The following NRXN3 variants were observed in gnomAD, a reference collection of about 807,000 sequenced individuals.
The protein encoded by NRXN3 is neurexin 3.
In NRXN3, 32 loss-of-function variants were observed where a neutral mutation model predicts 137.6. The observed-to-expected ratio is 0.23, with a 90% CI of 0.18 to 0.31. The LOEUF is 0.31. Among genes scored for constraint, NRXN3 ranks in the 10% least tolerant of loss-of-function variants. The pLI, the probability that NRXN3 is intolerant of heterozygous loss-of-function variation, is 1.00. For missense variants in NRXN3, 1,574 were observed against 2,062.5 expected, an observed-to-expected ratio of 0.76 and a Z score of 4.59; for synonymous variants, 798 against 784.5, an observed-to-expected ratio of 1.02 and a Z score of -0.29.
At chr14:78,271,502 G>A (rs896829031) in intron 2 of NRXN3, among the ~76,000 whole-genome samples, 3 of 151,204 alleles carry the variant, frequency 2.0e-5, no homozygotes, top group African/African-American at 7.3e-5. Flanking sequence ...CAAAAGGGCT[G>A]TCTGCACTGA....
At chr14:79,500,753 T>G (rs1405193708) in intron 16 of NRXN3, among the ~76,000 whole-genome samples, 1 of 152,210 alleles carries the variant, frequency 6.6e-6, no homozygotes, top group East Asian at 1.9e-4. Context: ...GTCAATCAGA[T>G]GCAGTCAAAT....
intron 6 of NRXN3, among the ~76,000 whole-genome samples, chr14:78,655,400 A>G (rs1350035576): frequency 6.6e-6 from 1 of 152,208 alleles, no homozygotes; most frequent in African/African-American, 2.4e-5. Flanking sequence ...TGGAATCTCT[A>G]TATTTCTCAT....
Position 79,324,905 on chromosome 14 carries a change from A to G in NRXN3, c.3263-142316A>G, listed in dbSNP as rs542100189. Among the ~76,000 whole-genome samples, 37 of 152,196 alleles carry G rather than the reference A, an allele frequency of 2.4e-4. 1 individual carries two copies. The highest frequency in any genetic ancestry group is 6.2e-4 in the South Asian group (3 of 4,836). Reference sequence around the variant, plus strand: ...TATACATGTGTGTAATGAAAAAAGAAAACAGCCCTGAAGAATCCTCAAGAA... The same window carrying G: ...TATACATGTGTGTAATGAAAAAAGAGAACAGCCCTGAAGAATCCTCAAGAA... On this transcript the variant is annotated intron_variant, in intron 15 of 20. Transcript: ENST00000335750.
At chr14:79,368,234 A>G (rs1049435262) in intron 15 of NRXN3, among the ~76,000 whole-genome samples, 1 of 152,202 alleles carries the variant, frequency 6.6e-6, no homozygotes. Flanking sequence ...TCATGTGGCT[A>G]TGGAATGAGA....
Position 79,844,930 on chromosome 14 carries a change from T to A in NRXN3, c.4094-16412T>A, listed in dbSNP as rs565181620. Among the ~76,000 whole-genome samples the A allele has an allele frequency of 2.7e-3, 405 of 152,366 alleles. 5 individuals are homozygous for A. The highest frequency in any genetic ancestry group is 3.4e-3 in the Non-Finnish European group (231 of 68,032). ...GACCATTTTGTCTACATTAAAAACCTGTTGTTTAGTGTAGCCACTTTGATC... is the reference window on the plus strand; with the variant it reads ...GACCATTTTGTCTACATTAAAAACCAGTTGTTTAGTGTAGCCACTTTGATC... On this transcript the variant is annotated intron_variant, in intron 20 of 20. Transcript: ENST00000335750.
At chr14:78,887,962 T>C (rs1483518476) in intron 10 of NRXN3, among the ~76,000 whole-genome samples, 2 of 152,124 alleles carry the variant, frequency 1.3e-5, no homozygotes, top group African/African-American at 4.8e-5. Flanking sequence ...TTCCTAGAAG[T>C]GGCCTCTGGG....
chr14:79,213,872 A>C (rs1014968810), intron 15 of NRXN3, among the ~76,000 whole-genome samples: 1 of 152,216 alleles, frequency 6.6e-6, no homozygotes, highest in Non-Finnish European at 1.5e-5. Flanking sequence ...TCACACGACC[A>C]GGTAGCATTT....
chr14:78,673,824 G>A (rs901050541), intron 6 of NRXN3, among the ~76,000 whole-genome samples: 6 of 152,144 alleles, frequency 3.9e-5, no homozygotes, highest in African/African-American at 7.2e-5. Flanking sequence ...CAGGGCTTCC[G>A]TATATGAATT....
chr14:78,854,835 G>C (rs147632444), intron 10 of NRXN3, among the ~76,000 whole-genome samples: 1 of 152,132 alleles, frequency 6.6e-6, no homozygotes, highest in African/African-American at 2.4e-5. Context: ...AATTTGGGAG[G>C]CCAAGGTGGG....
Position 79,727,320 on chromosome 14 carries a change from C to T in NRXN3, c.4014+29383C>T, listed in dbSNP as rs1255692185. Among the ~76,000 whole-genome samples, 3 of 152,012 alleles carry T rather than the reference C, an allele frequency of 2.0e-5. 1 individual carries two copies. The highest frequency in any genetic ancestry group is 1.3e-4 in the Admixed American group (2 of 15,234). On this transcript the variant is annotated intron_variant, in intron 19 of 20. Transcript: ENST00000335750. The stretch of plus-strand genomic sequence containing the variant: ...ACTAGCCCAATCATGTATGAGTAGC[C>T]GGGAATATTCGATAGGTATAGAATT...
intron 16 of NRXN3, among the ~76,000 whole-genome samples, chr14:79,475,318 G>A (rs529662996): frequency 6.6e-6 from 1 of 152,184 alleles, no homozygotes; most frequent in Non-Finnish European, 1.5e-5. Context: ...AAGGCCAAAT[G>A]GCTATATCTT....
At chr14:79,714,259 T>TTTGA (rs2098816100) in intron 19 of NRXN3, among the ~76,000 whole-genome samples, 1 of 152,150 alleles carries the variant, frequency 6.6e-6, no homozygotes, top group Non-Finnish European at 1.5e-5. Flanking sequence ...GAAAATAGAA[T>TTTGA]TTGATTAAAT....
intron 19 of NRXN3, among the ~76,000 whole-genome samples, chr14:79,755,855 C>T (rs1296401444): frequency 6.6e-6 from 1 of 152,088 alleles, no homozygotes; most frequent in Non-Finnish European, 1.5e-5. Flanking sequence ...AAATAATCAC[C>T]CCTTACTTTA....
chr14:78,231,988 C>T (rs1169811216), intron 1 of NRXN3, among the ~76,000 whole-genome samples: 4 of 152,246 alleles, frequency 2.6e-5, no homozygotes, highest in Non-Finnish European at 5.9e-5. Context: ...GTCATCTGCT[C>T]CTGGCTCCCA....
intron 15 of NRXN3, among the ~76,000 whole-genome samples, chr14:79,180,021 C>T (rs2062751253): frequency 6.6e-6 from 1 of 152,160 alleles, no homozygotes; most frequent in African/African-American, 2.4e-5. Context: ...TGTTTGCTTT[C>T]TTTCTCTTCT....
chr14:78,827,041 T>C (rs752617564), intron 10 of NRXN3, among the ~76,000 whole-genome samples: 16 of 152,210 alleles, frequency 1.1e-4, no homozygotes, highest in Non-Finnish European at 1.6e-4. Flanking sequence ...TAGTTATCCA[T>C]GCCTATGTCA....
chr14:78,204,308 A>G (rs1249026001), intron 1 of NRXN3, among the ~76,000 whole-genome samples: 1 of 152,006 alleles, frequency 6.6e-6, no homozygotes, highest in Non-Finnish European at 1.5e-5. Flanking sequence ...ACGAGCATGT[A>G]TGAATGGGTT....
At chr14:78,892,979 C>T (rs930381235) in intron 10 of NRXN3, among the ~76,000 whole-genome samples, 36 of 151,878 alleles carry the variant, frequency 2.4e-4, no homozygotes, top group African/African-American at 8.5e-4. Flanking sequence ...TCTTCTGATA[C>T]TAATTCCAGC....
At chr14:78,325,557 T>G (rs2079964479) in intron 4 of NRXN3, among the ~76,000 whole-genome samples, 1 of 152,200 alleles carries the variant, frequency 6.6e-6, no homozygotes, top group Non-Finnish European at 1.5e-5. Flanking sequence ...TATCGTTATT[T>G]TTATCATTAT....
Sources: gnomAD v4.1 joint callset for allele counts (sites outside exome capture counted in the v4.1 genomes callset) on GRCh38, gnomAD v4.1.1 for gene constraint, MANE v1.5 for transcripts, NCBI Gene and HGNC (gene_info 2026-07-23, HGNC 2026-07-21) for gene names.